RBFOX1: variants seen among roughly 807,000 people sequenced by gnomAD.
The protein encoded by RBFOX1 is RNA binding fox-1 homolog 1.
RBFOX1 carries 8 observed loss-of-function variants against 57.7 expected under a neutral mutation model. The observed-to-expected ratio is 0.14, with a 90% confidence interval of 0.08 to 0.25. The LOEUF (loss-of-function observed/expected upper bound fraction) is 0.25, where lower values mean the gene tolerates loss of function less well. Ranked by LOEUF, RBFOX1 falls within the 10% of genes least tolerant of loss-of-function variation. RBFOX1 has a pLI of 1.00. For synonymous variants in RBFOX1, 326 were observed against 222.4 expected, an observed-to-expected ratio of 1.47 and a Z score of -4.15; for missense variants, 611 against 548.5, an observed-to-expected ratio of 1.11 and a Z score of -1.14.
chr16:6,487,013 T>A (rs1224720916), intron 2 of RBFOX1, among the ~76,000 whole-genome samples: 5 of 149,612 alleles, frequency 3.3e-5, no homozygotes, highest in Admixed American at 2.6e-4. Flanking sequence ...ATACAGTGTT[T>A]GGTTTGGAAA....
intron 2 of RBFOX1, among the ~76,000 whole-genome samples, chr16:6,460,253 T>A (rs2094885042): frequency 6.6e-6 from 1 of 152,086 alleles, no homozygotes; most frequent in South Asian, 2.1e-4. Flanking sequence ...TCCCTGTGTT[T>A]TTCCCTGTGT....
chr16:6,241,237 GC>G (rs2097538638), intron 1 of RBFOX1, among the ~76,000 whole-genome samples: 1 of 152,146 alleles, frequency 6.6e-6, no homozygotes, highest in Admixed American at 6.5e-5. Flanking sequence ...GTGCAATGAA[GC>G]CATGCCTATT....
chr16:7,183,695 A>G (rs1361011638), intron 4 of RBFOX1, among the ~76,000 whole-genome samples: 3 of 152,182 alleles, frequency 2.0e-5, no homozygotes, highest in African/African-American at 7.2e-5. Context: ...AAATTTAGGA[A>G]GAGTTGACTC....
chr16:5,775,474 A>G (rs993490620), intron 3 of RBFOX1, among the ~76,000 whole-genome samples: 5 of 152,222 alleles, frequency 3.3e-5, no homozygotes, highest in Admixed American at 2.0e-4. Flanking sequence ...GGAAACACCT[A>G]TGTGTTCAAA....
intron 4 of RBFOX1, among the ~76,000 whole-genome samples, chr16:7,418,169 A>C (rs530699026): frequency 6.6e-6 from 1 of 152,304 alleles, no homozygotes; most frequent in African/African-American, 2.4e-5. Flanking sequence ...TAAGAGGACT[A>C]GTTTCCATTG....
chr16:7,156,491 A>T (rs143231953), intron 4 of RBFOX1, among the ~76,000 whole-genome samples: 4 of 152,160 alleles, frequency 2.6e-5, no homozygotes, highest in African/African-American at 4.8e-5. Context: ...ATACACATCT[A>T]TGTGTGCATA....
At chr16:7,232,573 G>A (rs1219418426) in intron 4 of RBFOX1, among the ~76,000 whole-genome samples, 18 of 152,186 alleles carry the variant, frequency 1.2e-4, no homozygotes, top group Admixed American at 4.6e-4. Context: ...AGGCATAAGC[G>A]GCTCATGCCT....
At chr16:5,965,040 A>T (rs530203094) in intron 4 of RBFOX1, among the ~76,000 whole-genome samples, 1 of 152,304 alleles carries the variant, frequency 6.6e-6, no homozygotes, top group East Asian at 1.9e-4. Flanking sequence ...ATACAGAAAG[A>T]CACAAATACT....
At chr16:7,336,382 C>T (rs1411469412) in intron 4 of RBFOX1, among the ~76,000 whole-genome samples, 1 of 152,246 alleles carries the variant, frequency 6.6e-6, no homozygotes, top group Non-Finnish European at 1.5e-5. Context: ...AAGTCACTTT[C>T]ACTATTGGAC....
chr16:7,092,453 G>A (rs889200736), intron 4 of RBFOX1, among the ~76,000 whole-genome samples: 1 of 152,168 alleles, frequency 6.6e-6, no homozygotes, highest in Non-Finnish European at 1.5e-5. Flanking sequence ...TTAACATTTT[G>A]TACCATTCAA....
intron 2 of RBFOX1, among the ~76,000 whole-genome samples, chr16:5,565,642 A>G (rs2046040679): frequency 6.6e-6 from 1 of 150,492 alleles, no homozygotes; most frequent in Admixed American, 6.6e-5. Context: ...ATAAATAAAT[A>G]AATAAATAAA....
rs183958930 is a variant in RBFOX1 at position 6,717,953 on chromosome 16, C to G, written c.-16+63303C>G. On this transcript the variant is annotated intron_variant, in intron 3 of 15. Coordinates refer to ENST00000550418, the MANE Select transcript of RBFOX1 (RefSeq NM_018723.4). ...TTCCACATAGTGGTCAGTGGCTTCA[C>G]AAAATAAATTCTGTAGGTGGCCTTC... Among the ~76,000 whole-genome samples the G allele has an allele frequency of 2.7e-4, 41 of 152,304 alleles. No homozygotes were observed. In the East Asian group the frequency reaches 7.7e-3, roughly 29 times the overall value.
chr16:5,619,785 C>T (rs1463676788), intron 3 of RBFOX1, among the ~76,000 whole-genome samples: 1 of 152,150 alleles, frequency 6.6e-6, no homozygotes, highest in African/African-American at 2.4e-5. Flanking sequence ...GCTCACCTCT[C>T]TCTTCCATGT....
At position 6,019,584 on chromosome 16, in the gene RBFOX1, C is replaced by A; in HGVS notation, c.-535C>A. 1 of 1,188,010 alleles carries A rather than the reference C, an allele frequency of 8.4e-7. No homozygotes were observed. The highest frequency in any genetic ancestry group is 1.0e-6 in the Non-Finnish European group (1 of 959,478). 73.6% of individuals were successfully genotyped at this position (1,188,010 alleles called of 1,614,324 possible). ...ACTGGCTGGACCCACGCGCGCGCCT[C>A]CGGGGCTGAAGAAGGAAGGAGTGAG... On this transcript the variant is annotated 5_prime_UTR_variant, in exon 1 of 16. Coordinates refer to ENST00000550418, the MANE Select transcript of RBFOX1 (RefSeq NM_018723.4). The surrounding 1 kb of genome is among the most constrained non-coding windows in gnomAD (Gnocchi z 4.2).
chr16:6,925,374 C>T (rs1391877622), intron 3 of RBFOX1, among the ~76,000 whole-genome samples: 1 of 151,780 alleles, frequency 6.6e-6, no homozygotes, highest in African/African-American at 2.4e-5. Context: ...ATCTACCTGC[C>T]TTGGTCTCCG....
Position 6,972,951 on chromosome 16 carries a change from C to G in RBFOX1, c.-15-79106C>G, listed in dbSNP as rs145622006. 1.4e-3 allele frequency among the ~76,000 whole-genome samples: 212 copies of G among 152,170 alleles called. 2 individuals are homozygous for G. Among genetic ancestry groups the G allele is most frequent in the African/African-American group, 4.3e-3 (180 of 41,518 alleles). On this transcript the variant is annotated intron_variant, in intron 3 of 15. Coordinates refer to ENST00000550418, the MANE Select transcript of RBFOX1 (RefSeq NM_018723.4). The stretch of plus-strand genomic sequence containing the variant: ...CCAACTTGGCCAACATGGTGAAACC[C>G]CATCTCAACTAAAAATACAAATAAA...
chr16:5,282,196 G>C (rs1251248956), intron 1 of RBFOX1, among the ~76,000 whole-genome samples: 1 of 152,192 alleles, frequency 6.6e-6, no homozygotes, highest in Non-Finnish European at 1.5e-5. Flanking sequence ...ATCCCTGTAA[G>C]ATGTGACTTG....
At chr16:5,730,071 C>T (rs1322479335) in intron 3 of RBFOX1, among the ~76,000 whole-genome samples, 1 of 152,148 alleles carries the variant, frequency 6.6e-6, no homozygotes, top group African/African-American at 2.4e-5. Flanking sequence ...TGCATCTGAT[C>T]AGAGGACCCA....
intron 4 of RBFOX1, among the ~76,000 whole-genome samples, chr16:7,500,839 T>C (rs903155836): frequency 6.6e-6 from 1 of 152,204 alleles, no homozygotes; most frequent in African/African-American, 2.4e-5. Context: ...ATAATCCCCA[T>C]GTCTCGTGAG....
Sources: gnomAD v4.1 joint callset for allele counts (sites outside exome capture counted in the v4.1 genomes callset) on GRCh38, gnomAD v4.1.1 for gene constraint, Gnocchi (gnomAD v3.1) non-coding constraint, MANE v1.5 for transcripts, NCBI Gene and HGNC (gene_info 2026-07-23, HGNC 2026-07-21) for gene names.